Variants in TAFA2 observed in about 807,000 individuals in gnomAD.
TAFA2 encodes chemokine-like protein TAFA-2.
TAFA2 carries 7 observed loss-of-function variants against 18.8 expected under a neutral mutation model. That is an observed-to-expected ratio of 0.37 (90% confidence interval 0.21 to 0.70). The LOEUF (loss-of-function observed/expected upper bound fraction) is 0.70. Ranked by LOEUF, TAFA2 falls within the 30% of genes least tolerant of loss-of-function variation. The probability of loss-of-function intolerance (pLI) is 0.53; values close to 1 mark genes in which losing one functional copy is unlikely to be tolerated. For missense variants in TAFA2, 122 were observed against 158.1 expected, an observed-to-expected ratio of 0.77 and a Z score of 1.23; for synonymous variants, 60 against 54.2, an observed-to-expected ratio of 1.11 and a Z score of -0.47.
chr12:61,715,510 A>G (rs1024931808), intron 4 of TAFA2, among the ~76,000 whole-genome samples: 9 of 151,742 alleles, frequency 5.9e-5, no homozygotes, highest in African/African-American at 2.2e-4. Context: ...CACCACGCCC[A>G]GCTAATTTTT....
chr12:62,177,188 G>A (rs1453936939), intron 1 of TAFA2, among the ~76,000 whole-genome samples: 1 of 152,218 alleles, frequency 6.6e-6, no homozygotes, highest in African/African-American at 2.4e-5. Flanking sequence ...CTATGCAGGG[G>A]CACAGCCTCA....
At position 61,740,120 on chromosome 12, in the gene TAFA2, T is replaced by C. The variant is rs571913761; in HGVS notation, c.384+13502A>G. On this transcript the variant is annotated intron_variant, in intron 4 of 4. Transcript: ENST00000416284. ...TTTCTCTTTCTCTGTCTCTCTACCA[T>C]CCTTCTCCCTGCCCTCACCAGTTTT... Among the ~76,000 whole-genome samples the C allele has an allele frequency of 7.6e-4, 116 of 152,228 alleles. 2 individuals are homozygous for C. Among genetic ancestry groups the C allele is most frequent in the African/African-American group, 2.7e-3 (114 of 41,568 alleles).
chr12:62,010,560 T>C (rs927197293), intron 1 of TAFA2, among the ~76,000 whole-genome samples: 3 of 146,778 alleles, frequency 2.0e-5, no homozygotes, highest in African/African-American at 8.2e-5. Flanking sequence ...AAGATTACAG[T>C]CTCTGCCCAG....
intron 1 of TAFA2, among the ~76,000 whole-genome samples, chr12:62,101,452 C>T (rs78817456): frequency 0.054 from 8,221 of 152,236 alleles, 335 homozygotes; most frequent in Non-Finnish European, 0.083. Flanking sequence ...ACTCATCATG[C>T]AATACTTGGT....
chr12:61,857,201 CAAATT>C (rs1362482265), intron 2 of TAFA2, among the ~76,000 whole-genome samples: 8 of 151,718 alleles, frequency 5.3e-5, no homozygotes, highest in Admixed American at 4.6e-4. Flanking sequence ...ATAAGAGTCT[CAAATT>C]AATAATAGAA....
At chr12:61,881,896 T>C (rs1875158364) in intron 1 of TAFA2, among the ~76,000 whole-genome samples, 2 of 151,824 alleles carry the variant, frequency 1.3e-5, no homozygotes, top group South Asian at 4.2e-4. Flanking sequence ...ACTCATGGAC[T>C]GTGTAAACTC....
At chr12:61,892,342 G>C (rs1223816966) in intron 1 of TAFA2, among the ~76,000 whole-genome samples, 1 of 152,086 alleles carries the variant, frequency 6.6e-6, no homozygotes, top group African/African-American at 2.4e-5. Context: ...GTAGGAAGTT[G>C]GGAACACAAA....
intron 1 of TAFA2, among the ~76,000 whole-genome samples, chr12:62,062,013 A>C (rs1469335159): frequency 1.3e-5 from 2 of 152,122 alleles, no homozygotes; most frequent in Admixed American, 6.5e-5. Flanking sequence ...ATGTCTACTA[A>C]AAATACAAAA....
intron 1 of TAFA2, among the ~76,000 whole-genome samples, chr12:62,110,588 G>C (rs543917762): frequency 6.8e-6 from 1 of 147,822 alleles, no homozygotes; most frequent in East Asian, 2.0e-4. Context: ...GTAGAATTCA[G>C]CTGTGAATCC....
chr12:61,989,131 C>A (rs1879913763), intron 1 of TAFA2, among the ~76,000 whole-genome samples: 1 of 152,100 alleles, frequency 6.6e-6, no homozygotes, highest in African/African-American at 2.4e-5. Context: ...AACACTGCAG[C>A]TTGATGCTCC....
chr12:61,740,124 T>G (rs1352788351), intron 4 of TAFA2, among the ~76,000 whole-genome samples: 1 of 152,024 alleles, frequency 6.6e-6, no homozygotes, highest in Non-Finnish European at 1.5e-5. Flanking sequence ...CTACCATCCT[T>G]CTCCCTGCCC....
intron 1 of TAFA2, among the ~76,000 whole-genome samples, chr12:61,975,153 A>C (rs1363126674): frequency 6.6e-6 from 1 of 151,818 alleles, no homozygotes; most frequent in Non-Finnish European, 1.5e-5. Flanking sequence ...TTTTGTGTTA[A>C]TAGCACATTA....
At chr12:62,005,818 G>A (rs896050179) in intron 1 of TAFA2, among the ~76,000 whole-genome samples, 2 of 152,082 alleles carry the variant, frequency 1.3e-5, no homozygotes, top group Non-Finnish European at 2.9e-5. Context: ...TGCACAAATA[G>A]TAAGTGATGC....
At chr12:61,713,460 A>C (rs1055947119) in intron 4 of TAFA2, among the ~76,000 whole-genome samples, 1 of 152,160 alleles carries the variant, frequency 6.6e-6, no homozygotes, top group Non-Finnish European at 1.5e-5. Flanking sequence ...CATTCATGAA[A>C]GTTTAGAGAA....
intron 1 of TAFA2, among the ~76,000 whole-genome samples, chr12:62,058,912 G>A (rs1882262149): frequency 6.6e-6 from 1 of 152,146 alleles, no homozygotes; most frequent in African/African-American, 2.4e-5. Flanking sequence ...GACTATCCTG[G>A]CTAACACGGT....
At chr12:62,215,819 TTTC>T (rs1185855299) in intron 1 of TAFA2, among the ~76,000 whole-genome samples, 8 of 151,416 alleles carry the variant, frequency 5.3e-5, no homozygotes. Flanking sequence ...TGAATCTTGG[TTTC>T]TTATTTGTAG....
intron 1 of TAFA2, among the ~76,000 whole-genome samples, chr12:62,171,829 C>CA (rs1394461754): frequency 2.6e-5 from 4 of 152,174 alleles, no homozygotes; most frequent in Non-Finnish European, 5.9e-5. Flanking sequence ...TACCAACAGA[C>CA]AAAAATTTCA....
chr12:61,905,142 A>G (rs894742142), intron 1 of TAFA2, among the ~76,000 whole-genome samples: 1 of 152,162 alleles, frequency 6.6e-6, no homozygotes, highest in African/African-American at 2.4e-5. Flanking sequence ...TATTTTGTAG[A>G]GAATTACTAT....
At chr12:62,230,462 T>A (rs1382673425) in intron 1 of TAFA2, among the ~76,000 whole-genome samples, 4 of 152,184 alleles carry the variant, frequency 2.6e-5, no homozygotes, top group Admixed American at 2.6e-4. Flanking sequence ...AATTTCTTCA[T>A]CAGCCCCTTG....
Sources: gnomAD v4.1 joint callset for allele counts (sites outside exome capture counted in the v4.1 genomes callset) on GRCh38, gnomAD v4.1.1 for gene constraint, MANE v1.5 for transcripts, NCBI Gene and HGNC (gene_info 2026-07-23, HGNC 2026-07-21) for gene names.